DNM1: variants seen among roughly 807,000 people sequenced by gnomAD.
The protein encoded by DNM1 is dynamin-1.
In DNM1, 29 loss-of-function variants were observed where a neutral mutation model predicts 104.6. The ratio of observed to expected loss-of-function variants is 0.28; its 90% CI spans 0.21 to 0.38. The LOEUF (loss-of-function observed/expected upper bound fraction) is 0.38. Ranked by LOEUF, DNM1 falls within the 10% of genes least tolerant of loss-of-function variation. The probability of loss-of-function intolerance (pLI) is 1.00; values close to 1 mark genes in which losing one functional copy is unlikely to be tolerated. For missense variants in DNM1, 640 were observed against 1,189.4 expected (o/e 0.54, Z 6.79); for synonymous variants, 445 against 475.8 (o/e 0.94, Z 0.84).
At position 128,220,840 on chromosome 9, in the gene DNM1, ACT is replaced by A. The variant is rs1425772414; in HGVS notation, c.849+506_849+507del. ...AGTTTTGTCACTCCCCCTCTGAGACACTCTCTCTGGCTCTCTGAGCCTCTATT... is the reference window on the plus strand; with the variant it reads ...AGTTTTGTCACTCCCCCTCTGAGACACTCTCTGGCTCTCTGAGCCTCTATT... On this transcript the variant is annotated intron_variant, in intron 6 of 21. Transcript: ENST00000372923. The surrounding 1 kb of genome is among the most constrained non-coding windows in gnomAD (Gnocchi z 5.2). 2.1e-5 allele frequency among the ~76,000 whole-genome samples: 3 copies of A among 144,468 alleles called. No homozygotes were observed. Among genetic ancestry groups the A allele is most frequent in the Non-Finnish European group, 1.5e-5 (1 of 65,572 alleles). The allele number at this position is 144,468 out of a possible 152,430, so 94.8% of individuals were successfully genotyped here.
chr9:128,206,973 C>T (rs1834009477), intron 1 of DNM1, among the ~76,000 whole-genome samples: 1 of 151,916 alleles, frequency 6.6e-6, no homozygotes, highest in African/African-American at 2.4e-5. Flanking sequence ...TGGACAAGGG[C>T]TTCAGCTGCA....
At position 128,253,969 on chromosome 9, in the gene DNM1, C is replaced by G; in HGVS notation, c.2535-685C>G. 2 of 1,233,650 alleles carry G rather than the reference C, an allele frequency of 1.6e-6. No individual in the cohort carries two copies. The highest frequency in any genetic ancestry group is 2.0e-6 in the Non-Finnish European group (2 of 989,164). The allele number at this position is 1,233,650 out of a possible 1,614,324, so 76.4% of individuals were successfully genotyped here. ...CCGCCCAGTGAGCCCACCCCCCATT[C>G]TCCTGCCACTGACTCTCGCTCTTCT... On this transcript the variant is annotated intron_variant, in intron 21 of 21. Transcript: ENST00000372923. The surrounding 1 kb of genome is among the most constrained non-coding windows in gnomAD (Gnocchi z 5.9).
chr9:128,205,234 A>G (rs1187415431), intron 1 of DNM1, among the ~76,000 whole-genome samples: 2 of 152,116 alleles, frequency 1.3e-5, no homozygotes, highest in South Asian at 2.1e-4. Flanking sequence ...TAGAATGGAG[A>G]AACCATATTC....
chr9:128,231,261 G>A (rs907708255), intron 10 of DNM1, among the ~76,000 whole-genome samples: 15 of 120,930 alleles, frequency 1.2e-4, no homozygotes, highest in Non-Finnish European at 2.4e-4. Context: ...AGAGTGCAAC[G>A]GCACGATCTC....
Position 128,224,014 on chromosome 9 carries a change from A to G in DNM1, c.1197-237A>G, listed in dbSNP as rs1053063849. 4.0e-5 allele frequency: 15 copies of G among 371,786 alleles called. No individual in the cohort carries two copies. The highest frequency in any genetic ancestry group is 2.9e-4 in the African/African-American group (14 of 47,554). The allele number at this position is 371,786 out of a possible 1,614,324, so 23.0% of individuals were successfully genotyped here. A position where few individuals can be genotyped will look rare whatever the true frequency, so the allele number is the denominator to read the frequency against. ...CAGTGAGCCAAGATTGCGCCACTGCACTCCAGCCTGGGCGACAGAGCAAGA... is the reference window on the plus strand; with the variant it reads ...CAGTGAGCCAAGATTGCGCCACTGCGCTCCAGCCTGGGCGACAGAGCAAGA... On this transcript the variant is annotated intron_variant, in intron 9 of 21. Coordinates refer to ENST00000372923, the MANE Select transcript of DNM1 (RefSeq NM_004408.4). The surrounding 1 kb of genome is among the most constrained non-coding windows in gnomAD (Gnocchi z 4.3).
intron 1 of DNM1, among the ~76,000 whole-genome samples, chr9:128,217,250 G>A (rs144305701): frequency 3.3e-5 from 5 of 152,286 alleles, no homozygotes; most frequent in South Asian, 2.1e-4. Context: ...CCGAGACCAG[G>A]GTCTGCTCTG....
intron 1 of DNM1, among the ~76,000 whole-genome samples, chr9:128,212,369 G>A (rs564666846): frequency 4.8e-4 from 73 of 152,304 alleles, no homozygotes; most frequent in African/African-American, 1.7e-3. Context: ...CAGCTACTTC[G>A]GAGATTGAGG....
intron 1 of DNM1, among the ~76,000 whole-genome samples, chr9:128,216,298 C>T (rs1181182113): frequency 6.6e-6 from 1 of 152,164 alleles, no homozygotes; most frequent in African/African-American, 2.4e-5. Flanking sequence ...GCTGAGGGTC[C>T]AACAGACACT....
intron 9 of DNM1, chr9:128,223,682 C>T (rs1160141861): frequency 6.6e-6 from 1 of 152,294 alleles, no homozygotes; most frequent in African/African-American, 2.4e-5. Flanking sequence ...CATAGAACTT[C>T]CTATATGCAC....
intron 11 of DNM1, among the ~76,000 whole-genome samples, chr9:128,238,475 C>T (rs577249898): frequency 5.9e-5 from 9 of 152,188 alleles, no homozygotes; most frequent in African/African-American, 2.2e-4. Flanking sequence ...CCGCCCACTT[C>T]GGCCTCCCAA....
chr9:128,243,129 G>C lies in DNM1; in HGVS notation c.1671+784G>C, dbSNP rs1389102605. 1.3e-5 allele frequency among the ~76,000 whole-genome samples: 2 copies of C among 152,172 alleles called. No individual in the cohort carries two copies. The highest frequency in any genetic ancestry group is 2.9e-5 in the Non-Finnish European group (2 of 68,018). On this transcript the variant is annotated intron_variant, in intron 15 of 21. Coordinates refer to ENST00000372923, the MANE Select transcript of DNM1 (RefSeq NM_004408.4). This position sits in a 1 kb window ranked among gnomAD's most constrained non-coding sequence, Gnocchi z 4.0. Reference sequence around the variant, plus strand: ...GCCCTCAGGCTGAGGGGCAAGGAGTGTGGGGGCCCTGCCGAGGTGCCACAA... The same window carrying C: ...GCCCTCAGGCTGAGGGGCAAGGAGTCTGGGGGCCCTGCCGAGGTGCCACAA...
intron 11 of DNM1, among the ~76,000 whole-genome samples, chr9:128,234,519 G>T (rs572111924): frequency 6.6e-6 from 1 of 151,834 alleles, no homozygotes; most frequent in African/African-American, 2.4e-5. Context: ...GGGAGGTGGC[G>T]TGCGCCACCA....
Position 128,226,087 on chromosome 9 carries a change from G to A in DNM1, c.1335+1698G>A, listed in dbSNP as rs374663257. The A allele has an allele frequency of 8.3e-5, 134 of 1,612,674 alleles. 1 individual carries two copies. Among genetic ancestry groups the A allele is most frequent in the Non-Finnish European group, 1.1e-4 (126 of 1,179,868 alleles). ...TTTTGAAGCCACAGTGAAAAAGCAG[G>A]TGCAGAAGCTCAAAGAGCCCAGTAT... On this transcript the variant is annotated intron_variant, in intron 10 of 21. Coordinates refer to ENST00000372923, the MANE Select transcript of DNM1 (RefSeq NM_004408.4).
chr9:128,207,288 G>A (rs190850654), intron 1 of DNM1, among the ~76,000 whole-genome samples: 152 of 152,192 alleles, frequency 1.0e-3, no homozygotes, highest in African/African-American at 3.3e-3. Context: ...GGGAAGACGG[G>A]CTGGAAGTAA....
rs142432944 is a variant in DNM1 at position 128,203,587 on chromosome 9, C to T, written c.117C>T (p.Gly39=). The stretch of plus-strand genomic sequence containing the variant: ...TGCCGCAGATCGCTGTGGTGGGCGG[C>T]CAGAGCGCCGGCAAGAGCTCGGTGC... The part of the protein sequence containing the change: ...LDLPQIAVVG[G]QSAGKSSVLE... Residue 39 remains glycine (G), a synonymous_variant, in exon 1 of 22, where the codon GGC becomes GGT. Transcript: ENST00000372923. The surrounding 1 kb of genome is among the most constrained non-coding windows in gnomAD (Gnocchi z 5.3). 2.2e-4 allele frequency: 339 copies of T among 1,551,794 alleles called. 1 individual carries two copies. The highest frequency in any genetic ancestry group is 2.8e-4 in the Non-Finnish European group (324 of 1,153,262).
At position 128,240,052 on chromosome 9, in the gene DNM1, C is replaced by T. The variant is rs955881838; in HGVS notation, c.1557+56C>T. ...TGTAGTGAGGGGGCGGAGGGTCCATCGGCAGTGGGGATCTGCAACGGGTAG... is the reference window on the plus strand; with the variant it reads ...TGTAGTGAGGGGGCGGAGGGTCCATTGGCAGTGGGGATCTGCAACGGGTAG... On this transcript the variant is annotated intron_variant, in intron 14 of 21. Coordinates refer to ENST00000372923, the MANE Select transcript of DNM1 (RefSeq NM_004408.4). This position sits in a 1 kb window ranked among gnomAD's most constrained non-coding sequence, Gnocchi z 5.1. The T allele has an allele frequency of 4.4e-6, 7 of 1,603,698 alleles. No homozygotes were observed. The highest frequency in any genetic ancestry group is 6.0e-6 in the Non-Finnish European group (7 of 1,171,032).
Position 128,254,537 on chromosome 9 carries a change from C to CGGCCCTCCCACCT in DNM1, c.2535-105_2535-104insTGGCCCTCCCACC. The CGGCCCTCCCACCT allele has an allele frequency of 6.4e-7, 1 of 1,552,530 alleles. No individual in the cohort carries two copies. The highest frequency in any genetic ancestry group is 8.6e-7 in the Non-Finnish European group (1 of 1,156,964). On this transcript the variant is annotated intron_variant, in intron 21 of 21. Transcript: ENST00000372923. This position sits in a 1 kb window ranked among gnomAD's most constrained non-coding sequence, Gnocchi z 6.1. ...ACCCACACCTGCAGCCTCCCCTCCC[C>CGGCCCTCCCACCT]GGCCCTCCCACCACTGCTGCGGCGC...
chr9:128,224,529 AATAG>A lies in DNM1; in HGVS notation c.1335+141_1335+144del. ...GGGGTGGGGAGGCAGGCCACCACTG[AATAG>A]GAGACAATGTGCCTCTGAGAGGGCC... On this transcript the variant is annotated intron_variant, in intron 10 of 21. Coordinates refer to ENST00000372923, the MANE Select transcript of DNM1 (RefSeq NM_004408.4). The surrounding 1 kb of genome is among the most constrained non-coding windows in gnomAD (Gnocchi z 4.3). 1.4e-6 allele frequency: 1 copy of A among 724,344 alleles called. No individual in the cohort carries two copies. The allele number at this position is 724,344 out of a possible 1,614,324, so 44.9% of individuals were successfully genotyped here. A position where few individuals can be genotyped will look rare whatever the true frequency, so the allele number is the denominator to read the frequency against.
intron 20 of DNM1, 26 bp downstream of exon 20, chr9:128,250,382 C>A: frequency 6.5e-7 from 1 of 1,545,404 alleles, no homozygotes. Flanking sequence ...CCCACGGCCC[C>A]AAAGCCCCCC....
Sources: gnomAD v4.1 joint callset for allele counts (sites outside exome capture counted in the v4.1 genomes callset) on GRCh38, gnomAD v4.1.1 for gene constraint, Gnocchi (gnomAD v3.1) non-coding constraint, MANE v1.5 for transcripts, NCBI Gene and HGNC (gene_info 2026-07-23, HGNC 2026-07-21) for gene names.